Variants in ITGAV observed in about 807,000 individuals in gnomAD.
ITGAV encodes the protein integrin alpha-V.
In ITGAV, 76 loss-of-function variants were observed where a neutral mutation model predicts 143.8. The ratio of observed to expected loss-of-function variants is 0.53; its 90% CI spans 0.44 to 0.64. The LOEUF (loss-of-function observed/expected upper bound fraction) is 0.64, where lower values mean the gene tolerates loss of function less well. Ranked by LOEUF, ITGAV falls within the 30% of genes least tolerant of loss-of-function variation. The pLI is 0.00. For missense variants in ITGAV, 1,193 were observed against 1,274.7 expected (o/e 0.94, Z 0.98); for synonymous variants, 453 against 446.7 (o/e 1.01, Z -0.18).
intron 3 of ITGAV, among the ~76,000 whole-genome samples, chr2:186,624,034 G>A (rs1374322649): frequency 6.6e-6 from 1 of 152,120 alleles, no homozygotes; most frequent in African/African-American, 2.4e-5. Flanking sequence ...AGCTCATACT[G>A]CCTTAAAAAC....
chr2:186,600,231 T>C, intron 1 of ITGAV: 1 of 1,075,868 alleles, frequency 9.3e-7, no homozygotes, highest in East Asian at 2.6e-5. Context: ...GATTCAATTC[T>C]TTCTTGCCAG....
In ITGAV at chr2:186,675,589, G is replaced by C; in HGVS notation, c.2707-15G>C. The stretch of plus-strand genomic sequence containing the variant: ...GAATGACCTTTTCTTATAAGTAAAG[G>C]ATTTGTTTTGGCAGGGTTGTGGAGT... On this transcript the variant is annotated splice_polypyrimidine_tract_variant and intron_variant, in intron 26 of 29. Transcript: ENST00000261023. 6.3e-7 allele frequency: 1 copy of C among 1,591,796 alleles called. No homozygotes were observed. The highest frequency in any genetic ancestry group is 1.1e-5 in the South Asian group (1 of 90,348).
Position 186,622,385 on chromosome 2 carries a change from T to A in ITGAV, c.363T>A (p.His121Gln), listed in dbSNP as rs1402306000. Residue 121 changes from histidine to glutamine, a missense_variant, in exon 3 of 30, where the codon CAT (histidine) becomes CAA (glutamine). Physicochemically the swap from His to Gln is conservative, Grantham distance 24. Coordinates refer to ENST00000261023, the MANE Select transcript of ITGAV (RefSeq NM_002210.5). Reference sequence around the variant, plus strand: ...ATGATCCATTGGAATTTAAGTCCCATCAGTGGTTTGGAGCATCTGTGAGGT... The same window carrying A: ...ATGATCCATTGGAATTTAAGTCCCAACAGTGGTTTGGAGCATCTGTGAGGT... Reference protein sequence around the residue: ...AKDDPLEFKSHQWFGASVRSK... With the variant: ...AKDDPLEFKSQQWFGASVRSK... 1 of 1,613,950 alleles carries A rather than the reference T, an allele frequency of 6.2e-7. No individual in the cohort carries two copies. The highest frequency in any genetic ancestry group is 1.1e-5 in the South Asian group (1 of 91,052).
chr2:186,656,195 A>T, intron 16 of ITGAV, 52 bp from the exon 17 acceptor site: 1 of 1,356,592 alleles, frequency 7.4e-7, no homozygotes, highest in Non-Finnish European at 1.0e-6. Flanking sequence ...AGAGTAGGAT[A>T]GATAGATGTC....
intron 4 of ITGAV, among the ~76,000 whole-genome samples, chr2:186,629,238 G>A (rs894325703): frequency 1.1e-4 from 17 of 151,864 alleles, no homozygotes; most frequent in African/African-American, 3.9e-4. Context: ...TCTTTAAATT[G>A]GCAAAAGCAC....
rs1373997118 is a variant in ITGAV at position 186,678,967 on chromosome 2, A to G, written c.*1675A>G. ...CACATTTAGTTGAGGTATACAAGGTAGGACTCTAGACAAAACCTTCTATTT... is the reference window on the plus strand; with the variant it reads ...CACATTTAGTTGAGGTATACAAGGTGGGACTCTAGACAAAACCTTCTATTT... On this transcript the variant is annotated 3_prime_UTR_variant, in exon 30 of 30. Coordinates refer to ENST00000261023, the MANE Select transcript of ITGAV (RefSeq NM_002210.5). 6 of 315,466 alleles carry G rather than the reference A, an allele frequency of 1.9e-5. No individual in the cohort carries two copies. Among genetic ancestry groups the G allele is most frequent in the Non-Finnish European group, 3.1e-5 (5 of 162,578 alleles). 19.5% of individuals were successfully genotyped at this position (315,466 alleles called of 1,614,324 possible).
rs563827861 is a variant in ITGAV, at chr2:186,648,916, G to GTA, written c.1352-913_1352-912dup. 3.1e-3 allele frequency among the ~76,000 whole-genome samples: 453 copies of GTA among 147,310 alleles called. 6 individuals carry two copies. Among genetic ancestry groups the GTA allele is most frequent in the Middle Eastern group, 0.011 (3 of 264 alleles). On this transcript the variant is annotated intron_variant, in intron 13 of 29. Transcript: ENST00000261023. ...TAAAAATAATCATTTTCATTTGTGT[G>GTA]TATATATATATACATTTGTATATAT... is the stretch of plus-strand genomic sequence containing the variant.
intron 2 of ITGAV, among the ~76,000 whole-genome samples, chr2:186,611,907 AT>A (rs537774413): frequency 6.6e-6 from 1 of 151,918 alleles, no homozygotes; most frequent in Non-Finnish European, 1.5e-5. Flanking sequence ...CCCATATCTG[AT>A]TTTTTTTAAA....
chr2:186,602,293 G>A (rs1343331260), intron 2 of ITGAV, 142 bp downstream of exon 2: 12 of 591,098 alleles, frequency 2.0e-5, no homozygotes, highest in East Asian at 6.2e-5. Context: ...AAAGACAAAC[G>A]ATTTATTATA....
At chr2:186,648,406 G>T (rs1231619331) in intron 13 of ITGAV, among the ~76,000 whole-genome samples, 2 of 152,132 alleles carry the variant, frequency 1.3e-5, no homozygotes, top group Non-Finnish European at 2.9e-5. Context: ...ATTTTTAACT[G>T]TATAACAGGT....
intron 17 of ITGAV, among the ~76,000 whole-genome samples, chr2:186,657,403 A>G (rs1688621136): frequency 6.6e-6 from 1 of 152,232 alleles, no homozygotes; most frequent in Admixed American, 6.5e-5. Flanking sequence ...ATTTTATAGA[A>G]TACATACTAT....
rs751656134 is a variant in ITGAV, at chr2:186,676,888, C to T, written c.3004C>T (p.Leu1002=). 5 of 1,613,990 alleles carry T rather than the reference C, an allele frequency of 3.1e-6. No individual in the cohort carries two copies. The highest frequency in any genetic ancestry group is 3.3e-5 in the Admixed American group (2 of 60,002). Residue 1002 remains leucine, a synonymous_variant, in exon 29 of 30, where the codon CTA becomes TTA. Transcript: ENST00000261023. The part of the protein sequence containing the change: ...VPVWVIILAV[L]AGLLLLAVLV... ...TGTGTGGGTGATCATTTTAGCAGTTCTAGCAGGATTGTTGCTACTGGCTGT... is the reference window on the plus strand; with the variant it reads ...TGTGTGGGTGATCATTTTAGCAGTTTTAGCAGGATTGTTGCTACTGGCTGT...
chr2:186,606,839 C>T (rs1050837972), intron 2 of ITGAV, among the ~76,000 whole-genome samples: 32 of 152,056 alleles, frequency 2.1e-4, no homozygotes, highest in African/African-American at 7.0e-4. Context: ...ATTCTAACTG[C>T]GATTGTTGAC....
chr2:186,659,825 A>C (rs1304199720), intron 18 of ITGAV, among the ~76,000 whole-genome samples: 1 of 151,460 alleles, frequency 6.6e-6, no homozygotes, highest in Non-Finnish European at 1.5e-5. Flanking sequence ...CAGTAGCAAA[A>C]GGCAAATTAA....
In ITGAV at chr2:186,679,623, TATG is replaced by T. The variant is rs1689300797; in HGVS notation, c.*2334_*2336del. The T allele has an allele frequency of 2.0e-5, 3 of 152,000 alleles. No homozygotes were observed. Among genetic ancestry groups the T allele is most frequent in the African/African-American group, 7.2e-5 (3 of 41,438 alleles). The allele number at this position is 152,000 out of a possible 1,614,324, so 9.4% of individuals were successfully genotyped here. A position where few individuals can be genotyped will look rare whatever the true frequency, so the allele number is the denominator to read the frequency against. On this transcript the variant is annotated 3_prime_UTR_variant, in exon 30 of 30. Coordinates refer to ENST00000261023, the MANE Select transcript of ITGAV (RefSeq NM_002210.5). Reference sequence around the variant, plus strand: ...AATCCATTTTGAAATGTAAAATTTTTATGATCTGATTCAGTTTTAAGAAAACAT... The same window carrying T: ...AATCCATTTTGAAATGTAAAATTTTTATCTGATTCAGTTTTAAGAAAACAT...
Position 186,677,397 on chromosome 2 carries a change from G to A in ITGAV, c.*105G>A. 1 of 785,620 alleles carries A rather than the reference G, an allele frequency of 1.3e-6. No homozygotes were observed. The highest frequency in any genetic ancestry group is 2.1e-6 in the Non-Finnish European group (1 of 469,582). 48.7% of individuals were successfully genotyped at this position (785,620 alleles called of 1,614,324 possible). ...AGTAAAAATCCAAGGCTTTACTGCT[G>A]ATAGTGCTAATTGGCATTAACCACA... On this transcript the variant is annotated 3_prime_UTR_variant, in exon 30 of 30. Coordinates refer to ENST00000261023, the MANE Select transcript of ITGAV (RefSeq NM_002210.5).
At position 186,665,119 on chromosome 2, in the gene ITGAV, A is replaced by G. The variant is rs781366052; in HGVS notation, c.2074-7A>G. The G allele has an allele frequency of 1.4e-6, 2 of 1,478,236 alleles. No individual in the cohort carries two copies. The highest frequency in any genetic ancestry group is 2.4e-5 in the East Asian group (1 of 42,432). The allele number at this position is 1,478,236 out of a possible 1,614,324, so 91.6% of individuals were successfully genotyped here. ...CCATTTTTTTTTTTTTTTTTGGTCT[A>G]TCAAAGGCCTTAGCAAGACTTTCCT... On this transcript the variant is annotated splice_polypyrimidine_tract_variant and splice_region_variant and intron_variant, in intron 20 of 29. Coordinates refer to ENST00000261023, the MANE Select transcript of ITGAV (RefSeq NM_002210.5).
chr2:186,638,616 C>A (rs753277449), intron 10 of ITGAV, 151 bp downstream of exon 10: 1 of 613,146 alleles, frequency 1.6e-6, no homozygotes, highest in African/African-American at 1.9e-5. Context: ...AAACTATTAT[C>A]ATTTCTCTTT....
intron 12 of ITGAV, among the ~76,000 whole-genome samples, chr2:186,644,663 T>G (rs1471547749): frequency 1.3e-5 from 2 of 152,058 alleles, no homozygotes; most frequent in African/African-American, 4.8e-5. Flanking sequence ...AAAAGAATAC[T>G]TTTACATAAG....
Sources: allele counts gnomAD v4.1 joint callset (sites outside exome capture counted in the v4.1 genomes callset), GRCh38; gene constraint gnomAD v4.1.1; transcripts MANE v1.5; gene names NCBI Gene and HGNC (gene_info 2026-07-23, HGNC 2026-07-21).